The following TFB1M variants were observed in gnomAD, a reference collection of about 807,000 sequenced individuals.
TFB1M encodes dimethyladenosine transferase 1, mitochondrial.
A neutral mutation model predicts 31.1 loss-of-function variants in TFB1M; 27 were observed. The observed-to-expected ratio is 0.87, with a 90% confidence interval of 0.64 to 1.20. The LOEUF (loss-of-function observed/expected upper bound fraction) is 1.20, where lower values mean the gene tolerates loss of function less well. Ranked by LOEUF, TFB1M falls within the 50% of genes most tolerant of loss-of-function variation. The pLI, the probability that TFB1M is intolerant of heterozygous loss-of-function variation, is 0.00. For synonymous variants in TFB1M, 166 were observed against 151.8 expected, an observed-to-expected ratio of 1.09 and a Z score of -0.69; for missense variants, 394 against 418.7, an observed-to-expected ratio of 0.94 and a Z score of 0.51.
chr6:155,255,646 T>G (rs567028604), downstream of TFB1M: 10 of 151,462 alleles, frequency 6.6e-5, no homozygotes, highest in African/African-American at 1.7e-4. Flanking sequence ...ACCTATAACA[T>G]AAAATTTCAG....
chr6:155,295,628 A>T (rs1019751555), intron 4 of TFB1M, among the ~76,000 whole-genome samples: 1 of 152,104 alleles, frequency 6.6e-6, no homozygotes, highest in Non-Finnish European at 1.5e-5. Context: ...GCCCTTTATT[A>T]AGTCATCCAT....
At chr6:155,236,315 A>G in the TFB1M span, among the ~76,000 whole-genome samples, 1 of 151,932 alleles carries the variant, frequency 6.6e-6, no homozygotes, top group Admixed American at 6.6e-5. Context: ...AGAGTAGACC[A>G]GCAGTTCTCA....
chr6:155,258,626 T>C (rs1427959625), intron 6 of TFB1M, among the ~76,000 whole-genome samples: 4 of 152,248 alleles, frequency 2.6e-5, no homozygotes, highest in Non-Finnish European at 5.9e-5. Context: ...AGAGGATATA[T>C]TTTAAATTTC....
At chr6:155,286,352 G>A (rs1342717632) in intron 4 of TFB1M, among the ~76,000 whole-genome samples, 2 of 148,378 alleles carry the variant, frequency 1.3e-5, no homozygotes, top group Non-Finnish European at 3.0e-5. Context: ...AGCTATATAA[G>A]AAAAGACAGA....
At chr6:155,243,788 A>C in the TFB1M span, among the ~76,000 whole-genome samples, 1 of 127,626 alleles carries the variant, frequency 7.8e-6, no homozygotes, top group Non-Finnish European at 1.6e-5. Context: ...CAGAGGTTGC[A>C]GTGAGCTGAG....
At position 155,257,325 on chromosome 6, in the gene TFB1M, G is replaced by T. The variant is rs1420001753; in HGVS notation, c.*511C>A. The T allele has an allele frequency of 5.0e-6, 3 of 595,284 alleles. No homozygotes were observed. The highest frequency in any genetic ancestry group is 8.6e-6 in the Non-Finnish European group (3 of 349,944). The allele number at this position is 595,284 out of a possible 1,614,324, so 36.9% of individuals were successfully genotyped here. A position where few individuals can be genotyped will look rare whatever the true frequency, so the allele number is the denominator to read the frequency against. On this transcript the variant is annotated 3_prime_UTR_variant, in exon 7 of 7. Coordinates refer to ENST00000367166, the MANE Select transcript of TFB1M (RefSeq NM_016020.4). ...ACCTAGATGAAACTGGTCAGAATCTGTAAATTACTTAGTTTATATCCACTT... is the reference window on the plus strand; with the variant it reads ...ACCTAGATGAAACTGGTCAGAATCTTTAAATTACTTAGTTTATATCCACTT...
chr6:155,252,902 GT>G (rs760981958), downstream of TFB1M: 1 of 1,550,336 alleles, frequency 6.5e-7, no homozygotes, highest in Non-Finnish European at 8.9e-7. Flanking sequence ...TCCTCCCTCA[GT>G]GACAGCTTCC....
intron 5 of TFB1M, among the ~76,000 whole-genome samples, chr6:155,263,703 G>A (rs975498878): frequency 3.3e-5 from 5 of 152,146 alleles, no homozygotes; most frequent in Non-Finnish European, 7.3e-5. Context: ...ATATACAGAG[G>A]ACACTGAAGA....
At chr6:155,250,644 A>C in the TFB1M span, 1 of 1,534,434 alleles carries the variant, frequency 6.5e-7, no homozygotes, top group Non-Finnish European at 8.7e-7. Flanking sequence ...ATCTTATGGA[A>C]ACTGAGTTGG....
chr6:155,251,128 T>C, the TFB1M span: 3 of 949,250 alleles, frequency 3.2e-6, no homozygotes, highest in African/African-American at 1.6e-5. Flanking sequence ...GGAGTCAGAA[T>C]TGCTATAATG....
chr6:155,254,224 T>A (rs541355352), downstream of TFB1M: 2 of 988,398 alleles, frequency 2.0e-6, no homozygotes, highest in African/African-American at 3.3e-5. Context: ...CTATGTTGAT[T>A]AAATAAATAT....
intron 4 of TFB1M, among the ~76,000 whole-genome samples, chr6:155,295,094 C>T (rs1046811011): frequency 6.6e-6 from 1 of 152,334 alleles, no homozygotes; most frequent in African/African-American, 2.4e-5. Context: ...GGGCTGGGCG[C>T]AGTGGCTCAC....
intron 2 of TFB1M, among the ~76,000 whole-genome samples, chr6:155,307,142 C>CACAT (rs112867892): frequency 3.4e-4 from 49 of 144,220 alleles, no homozygotes; most frequent in South Asian, 1.1e-3. Flanking sequence ...CACATACACA[C>CACAT]ACACACACAC....
chr6:155,254,030 G>A (rs557882458), downstream of TFB1M: 12 of 1,614,002 alleles, frequency 7.4e-6, no homozygotes, highest in African/African-American at 4.0e-5. Context: ...ATAGAAGGAC[G>A]GCCAGAAACC....
chr6:155,268,985 T>TAAAAAAAAAAAAAAAAAAAAAAAAAAAAA (rs1784796226), intron 5 of TFB1M, among the ~76,000 whole-genome samples: 1 of 71,552 alleles, frequency 1.4e-5, no homozygotes, highest in Non-Finnish European at 2.6e-5. Context: ...AATTAAAAAA[T>TAAAAAAAAAAAAAAAAAAAAAAAAAAAAA]TAAAAAAAAA....
intron 1 of TFB1M, 145 bp downstream of exon 1, chr6:155,314,151 T>TTCC (rs1778144858): frequency 1.3e-6 from 2 of 1,532,304 alleles, no homozygotes; most frequent in Admixed American, 2.0e-5. Context: ...ACCGGAGTTC[T>TTCC]GATACAAAGA....
the TFB1M span, chr6:155,244,521 G>A: frequency 1.9e-6 from 2 of 1,061,148 alleles, no homozygotes; most frequent in Middle Eastern, 2.1e-4. Context: ...TGAATGTGCT[G>A]TCTTCTTAAA....
At chr6:155,251,338 G>A (rs1236378063), downstream of TFB1M, among the ~76,000 whole-genome samples, 3 of 152,148 alleles carry the variant, frequency 2.0e-5, no homozygotes, top group African/African-American at 7.2e-5. Flanking sequence ...CCAGGCTGGA[G>A]TGCAATGGTG....
chr6:155,288,081 A>G (rs1353627022), intron 4 of TFB1M, among the ~76,000 whole-genome samples: 1 of 152,192 alleles, frequency 6.6e-6, no homozygotes, highest in Non-Finnish European at 1.5e-5. Flanking sequence ...CCTGCCGTGG[A>G]TGAAAACCAT....
Sources: allele counts gnomAD v4.1 joint callset (sites outside exome capture counted in the v4.1 genomes callset), GRCh38; gene constraint gnomAD v4.1.1; transcripts MANE v1.5; gene names NCBI Gene and HGNC (gene_info 2026-07-23, HGNC 2026-07-21).